Variants in RBFOX1 observed in about 807,000 individuals in gnomAD.
RBFOX1 encodes the protein RNA binding fox-1 homolog 1, also known as RNA binding protein fox-1 homolog 1.
In RBFOX1, 8 loss-of-function variants were observed where a neutral mutation model predicts 57.7. That is an observed-to-expected ratio of 0.14 (90% confidence interval 0.08 to 0.25). The LOEUF (loss-of-function observed/expected upper bound fraction) is 0.25. RBFOX1 is among the 10% of genes least tolerant of loss of function. The pLI is 1.00. For synonymous variants in RBFOX1, 326 were observed against 222.4 expected (o/e 1.47, Z -4.15); for missense variants, 611 against 548.5 (o/e 1.11, Z -1.14).
intron 1 of RBFOX1, among the ~76,000 whole-genome samples, chr16:5,379,635 C>T (rs1197373787): frequency 6.6e-6 from 1 of 152,168 alleles, no homozygotes; most frequent in African/African-American, 2.4e-5. Flanking sequence ...TCTCCATGAG[C>T]TCCAGCCACC....
At chr16:6,273,246 G>T (rs1478959442) in intron 1 of RBFOX1, among the ~76,000 whole-genome samples, 1 of 150,908 alleles carries the variant, frequency 6.6e-6, no homozygotes, top group African/African-American at 2.4e-5. Flanking sequence ...GCAGCAGAGT[G>T]AGACTCTGTT....
chr16:5,962,818 GTTTTTTTTTTT>G lies in RBFOX1; in HGVS notation c.351+95492_351+95502del, dbSNP rs55961605. 1.1e-3 allele frequency among the ~76,000 whole-genome samples: 144 copies of G among 135,374 alleles called. 1 individual carries two copies. Among genetic ancestry groups the G allele is most frequent in the African/African-American group, 3.7e-3 (137 of 37,268 alleles). 88.8% of individuals were successfully genotyped at this position (135,374 alleles called of 152,430 possible). On this transcript the variant is annotated intron_variant, in intron 4 of 19. Coordinates refer to the RBFOX1 transcript ENST00000641259. Reference sequence around the variant, plus strand: ...CTACGGTATGAGAAGTGAGGGTTTGGTTTTTTTTTTTTTTTTTTTAATATATAATGATAATG... The same window carrying G: ...CTACGGTATGAGAAGTGAGGGTTTGGTTTTTTTTAATATATAATGATAATG...
At chr16:7,671,717 T>G in intron 13 of RBFOX1, 2 of 924,810 alleles carry the variant, frequency 2.2e-6, no homozygotes, top group Admixed American at 4.1e-5. Flanking sequence ...GAGGAAAGAC[T>G]TAACTGAATT....
chr16:7,416,853 ATAT>A (rs1278512171), intron 4 of RBFOX1, among the ~76,000 whole-genome samples: 1 of 152,112 alleles, frequency 6.6e-6, no homozygotes. Context: ...CACGTAACAC[ATAT>A]TATCTCATTC....
rs113755381 is a variant in RBFOX1, at chr16:6,933,345, A to G, written c.-15-118712A>G. On this transcript the variant is annotated intron_variant, in intron 3 of 15. Coordinates refer to ENST00000550418, the MANE Select transcript of RBFOX1 (RefSeq NM_018723.4). The stretch of plus-strand genomic sequence containing the variant: ...TTTCCGTAGCACTGCATCATTTTGC[A>G]TTTCCGTCAGCAGTGCACAAGGGTT... 6.6e-3 allele frequency among the ~76,000 whole-genome samples: 1,009 copies of G among 152,314 alleles called. 10 individuals carry two copies. Among genetic ancestry groups the G allele is most frequent in the African/African-American group, 0.023 (974 of 41,580 alleles).
chr16:6,647,691 T>G (rs1026161146), intron 2 of RBFOX1, among the ~76,000 whole-genome samples: 2 of 152,194 alleles, frequency 1.3e-5, no homozygotes, highest in Non-Finnish European at 2.9e-5. Flanking sequence ...TACTACGTGT[T>G]AAAAATGTTG....
chr16:7,473,804 T>C (rs559396538), intron 4 of RBFOX1, among the ~76,000 whole-genome samples: 1 of 152,064 alleles, frequency 6.6e-6, no homozygotes, highest in African/African-American at 2.4e-5. Flanking sequence ...CATTCTCATC[T>C]ACTAATTGCT....
intron 1 of RBFOX1, among the ~76,000 whole-genome samples, chr16:6,257,894 T>A (rs575913510): frequency 6.6e-6 from 1 of 152,176 alleles, no homozygotes; most frequent in Non-Finnish European, 1.5e-5. Flanking sequence ...TACACATGGA[T>A]GTGTCTTTAT....
intron 5 of RBFOX1, among the ~76,000 whole-genome samples, chr16:7,537,624 T>G (rs1490697113): frequency 6.6e-6 from 1 of 152,208 alleles, no homozygotes; most frequent in African/African-American, 2.4e-5. Context: ...CCTGGTTCTA[T>G]GAGATGCATC....
intron 1 of RBFOX1, among the ~76,000 whole-genome samples, chr16:5,424,817 TC>T (rs1459178983): frequency 1.3e-5 from 2 of 151,134 alleles, no homozygotes; most frequent in African/African-American, 4.8e-5. Flanking sequence ...TTTTCTCTTC[TC>T]CTCTCCTCTC....
At chr16:5,981,227 T>C (rs940720218) in intron 4 of RBFOX1, among the ~76,000 whole-genome samples, 6 of 152,046 alleles carry the variant, frequency 3.9e-5, no homozygotes, top group African/African-American at 1.4e-4. Flanking sequence ...ATGTGAAGGG[T>C]CAACAGGAAA....
chr16:5,660,690 A>G (rs577539690), intron 3 of RBFOX1, among the ~76,000 whole-genome samples: 1 of 152,264 alleles, frequency 6.6e-6, no homozygotes, highest in African/African-American at 2.4e-5. Context: ...TGCTTAAAAT[A>G]TCCAGTTGAG....
chr16:6,267,622 A>G (rs1290714480), intron 1 of RBFOX1, among the ~76,000 whole-genome samples: 1 of 152,244 alleles, frequency 6.6e-6, no homozygotes, highest in African/African-American at 2.4e-5. Flanking sequence ...GGAAGACTGC[A>G]AAACCCTGAA....
At chr16:6,040,463 G>T (rs138128160) in intron 1 of RBFOX1, among the ~76,000 whole-genome samples, 1 of 152,202 alleles carries the variant, frequency 6.6e-6, no homozygotes, top group Non-Finnish European at 1.5e-5. Flanking sequence ...TGCAGCATAT[G>T]TCCTTTTGTG....
At chr16:6,923,071 A>AT (rs2074832446) in intron 3 of RBFOX1, among the ~76,000 whole-genome samples, 1 of 152,204 alleles carries the variant, frequency 6.6e-6, no homozygotes, top group African/African-American at 2.4e-5. Context: ...AAGAGCTGTT[A>AT]TTACCCCTAA....
intron 1 of RBFOX1, among the ~76,000 whole-genome samples, chr16:6,222,313 A>G (rs2097379735): frequency 6.6e-6 from 1 of 152,182 alleles, no homozygotes. Flanking sequence ...CTTCCGCTCT[A>G]GAGGCTGAAA....
At chr16:6,045,524 T>C (rs58673502) in intron 1 of RBFOX1, among the ~76,000 whole-genome samples, 7,333 of 152,300 alleles carry the variant, frequency 0.048, 398 homozygotes, top group East Asian at 0.27. Context: ...CATTCATTCA[T>C]TTGTTCATTC....
At chr16:6,808,232 T>C (rs74690411) in intron 3 of RBFOX1, among the ~76,000 whole-genome samples, 4,599 of 151,236 alleles carry the variant, frequency 0.03, 238 homozygotes, top group African/African-American at 0.1. Flanking sequence ...GCTTCCAGCA[T>C]GTAGCCTTTA....
chr16:7,059,896 G>C (rs1314125232), intron 4 of RBFOX1, among the ~76,000 whole-genome samples: 5 of 152,120 alleles, frequency 3.3e-5, no homozygotes, highest in South Asian at 2.1e-4. Context: ...AAGAAAAAGA[G>C]CTGTTTCTAT....
Sources: gnomAD v4.1 joint callset for allele counts (sites outside exome capture counted in the v4.1 genomes callset) on GRCh38, gnomAD v4.1.1 for gene constraint, MANE v1.5 for transcripts, NCBI Gene and HGNC (gene_info 2026-07-23, HGNC 2026-07-21) for gene names.